Variants in TAS2R1 observed in about 807,000 individuals in gnomAD.
TAS2R1 encodes the protein taste receptor type 2 member 1.
For missense variants in TAS2R1, 370 were observed against 353.4 expected (o/e 1.05, Z -0.38); for synonymous variants, 141 against 134.2 (o/e 1.05, Z -0.35).
the TAS2R1 span, among the ~76,000 whole-genome samples, chr5:9,724,391 G>A: frequency 7.2e-6 from 1 of 138,638 alleles, no homozygotes; most frequent in African/African-American, 2.7e-5. Context: ...ATCCTTTAAG[G>A]TCATTTTCCC....
intron 1 of TAS2R1, among the ~76,000 whole-genome samples, chr5:9,668,049 A>T (rs1013031775): frequency 6.6e-6 from 1 of 152,234 alleles, no homozygotes; most frequent in African/African-American, 2.4e-5. Context: ...GAGATAAAAA[A>T]CAAAATGGCC....
chr5:9,755,571 A>G, the TAS2R1 span, among the ~76,000 whole-genome samples: 1 of 139,024 alleles, frequency 7.2e-6, no homozygotes, highest in Non-Finnish European at 1.5e-5. Context: ...TGGGCGACAG[A>G]GTGAGACTCC....
chr5:9,815,395 C>G, the TAS2R1 span, among the ~76,000 whole-genome samples: 1 of 152,136 alleles, frequency 6.6e-6, no homozygotes, highest in Non-Finnish European at 1.5e-5. Context: ...AATGCACAAA[C>G]AAGTCAATGT....
At chr5:9,789,821 C>T in the TAS2R1 span, among the ~76,000 whole-genome samples, 3 of 152,240 alleles carry the variant, frequency 2.0e-5, no homozygotes, top group Admixed American at 1.3e-4. Flanking sequence ...CAAACACCAT[C>T]CAAATCCCAG....
intron 1 of TAS2R1, among the ~76,000 whole-genome samples, chr5:9,662,858 T>C (rs1012117859): frequency 6.6e-6 from 1 of 152,152 alleles, no homozygotes; most frequent in African/African-American, 2.4e-5. Flanking sequence ...ATAAATAGAA[T>C]TCACTTGTCA....
At chr5:9,730,806 C>T in the TAS2R1 span, among the ~76,000 whole-genome samples, 1 of 152,088 alleles carries the variant, frequency 6.6e-6, no homozygotes, top group Non-Finnish European at 1.5e-5. Context: ...AATCATGGGG[C>T]AGTTCCCCCA....
chr5:9,720,121 A>G, the TAS2R1 span, among the ~76,000 whole-genome samples: 1 of 151,964 alleles, frequency 6.6e-6, no homozygotes, highest in Admixed American at 6.6e-5. Flanking sequence ...TTCCATTTTT[A>G]TGGCTCCAAA....
the TAS2R1 span, among the ~76,000 whole-genome samples, chr5:9,760,395 G>C: frequency 6.6e-6 from 1 of 152,092 alleles, no homozygotes; most frequent in Non-Finnish European, 1.5e-5. Flanking sequence ...TTATAAGACA[G>C]GAAATCTGTA....
chr5:9,668,120 A>G (rs1353785336), intron 1 of TAS2R1, among the ~76,000 whole-genome samples: 1 of 152,240 alleles, frequency 6.6e-6, no homozygotes, highest in Non-Finnish European at 1.5e-5. Flanking sequence ...AGAATTTCGT[A>G]ATATAACACA....
chr5:9,646,458 T>A (rs1043739995), intron 2 of TAS2R1, among the ~76,000 whole-genome samples: 1 of 152,174 alleles, frequency 6.6e-6, no homozygotes, highest in Non-Finnish European at 1.5e-5. Flanking sequence ...AACCATTGGA[T>A]TGGACACATG....
intron 2 of TAS2R1, among the ~76,000 whole-genome samples, chr5:9,645,279 G>A (rs1740164944): frequency 6.6e-6 from 1 of 152,134 alleles, no homozygotes; most frequent in South Asian, 2.1e-4. Flanking sequence ...ATTAAGTTGA[G>A]GTGCACTGAG....
the TAS2R1 span, among the ~76,000 whole-genome samples, chr5:9,899,376 C>T: frequency 1.3e-5 from 2 of 152,066 alleles, no homozygotes; most frequent in South Asian, 2.1e-4. Context: ...GTAGCTCATA[C>T]CTATAATCCC....
chr5:9,725,560 C>T, the TAS2R1 span, among the ~76,000 whole-genome samples: 20 of 152,314 alleles, frequency 1.3e-4, 1 homozygote, highest in South Asian at 3.3e-3. Flanking sequence ...CCCCACGGGG[C>T]AGGGCTCGGG....
chr5:9,850,707 C>A, the TAS2R1 span, among the ~76,000 whole-genome samples: 2 of 152,236 alleles, frequency 1.3e-5, no homozygotes, highest in Non-Finnish European at 2.9e-5. Context: ...CCTCCTACCA[C>A]CCAAACAGAT....
the TAS2R1 span, among the ~76,000 whole-genome samples, chr5:9,800,586 G>C: frequency 6.6e-6 from 1 of 152,156 alleles, no homozygotes; most frequent in Non-Finnish European, 1.5e-5. Context: ...TAGATGTGTA[G>C]GCACCTCCAA....
chr5:9,746,476 T>A, the TAS2R1 span, among the ~76,000 whole-genome samples: 1 of 152,192 alleles, frequency 6.6e-6, no homozygotes, highest in Non-Finnish European at 1.5e-5. Flanking sequence ...CATATGTTTA[T>A]TGAAGGACTA....
chr5:9,890,870 A>T, the TAS2R1 span, among the ~76,000 whole-genome samples: 2 of 152,224 alleles, frequency 1.3e-5, no homozygotes, highest in Non-Finnish European at 2.9e-5. Flanking sequence ...AGATGAAATG[A>T]TAATCAAAGT....
At chr5:9,777,053 G>T in the TAS2R1 span, among the ~76,000 whole-genome samples, 1 of 152,116 alleles carries the variant, frequency 6.6e-6, no homozygotes, top group Non-Finnish European at 1.5e-5. Context: ...CTTTTTGCTG[G>T]TGAAGGGTCT....
At chr5:9,746,442 T>G in the TAS2R1 span, among the ~76,000 whole-genome samples, 3 of 152,216 alleles carry the variant, frequency 2.0e-5, no homozygotes, top group Non-Finnish European at 1.5e-5. Context: ...TTATAAATCA[T>G]TCTACTATAA....
Sources: gnomAD v4.1 joint callset for allele counts (sites outside exome capture counted in the v4.1 genomes callset) on GRCh38, gnomAD v4.1.1 for gene constraint, MANE v1.5 for transcripts, NCBI Gene and HGNC (gene_info 2026-07-23, HGNC 2026-07-21) for gene names.